Variants in RYR2 observed in about 807,000 individuals in gnomAD.
RYR2 encodes the protein ryanodine receptor 2, also known as cardiac muscle ryanodine receptor-calcium release channel.
RYR2 carries 227 observed loss-of-function variants against 601.1 expected under a neutral mutation model. The ratio of observed to expected loss-of-function variants is 0.38; its 90% CI spans 0.34 to 0.42. The LOEUF (loss-of-function observed/expected upper bound fraction) is 0.42. Ranked by LOEUF, RYR2 falls within the 10% of genes least tolerant of loss-of-function variation. The pLI is 1.00. For synonymous variants in RYR2, 2,223 were observed against 2,175.1 expected, an observed-to-expected ratio of 1.02 and a Z score of -0.61; for missense variants, 4,646 against 6,156.5, an observed-to-expected ratio of 0.75 and a Z score of 8.21.
intron 29 of RYR2, among the ~76,000 whole-genome samples, chr1:237,588,431 T>G (rs949638061): frequency 6.6e-6 from 1 of 152,170 alleles, no homozygotes; most frequent in Non-Finnish European, 1.5e-5. Context: ...ATTCTTAGGA[T>G]CCATTGGTTT....
chr1:237,718,995 G>A (rs2149107178), intron 73 of RYR2, among the ~76,000 whole-genome samples: 1 of 152,292 alleles, frequency 6.6e-6, no homozygotes, highest in Non-Finnish European at 1.5e-5. Flanking sequence ...TAGGCACAGT[G>A]GCTCACACCT....
chr1:237,734,274 G>T (rs1315856654), intron 79 of RYR2, among the ~76,000 whole-genome samples: 2 of 152,120 alleles, frequency 1.3e-5, no homozygotes, highest in Non-Finnish European at 2.9e-5. Flanking sequence ...GGGAAGTAAG[G>T]TACATCTTAC....
rs148590481 is a variant in RYR2 at position 237,709,171 on chromosome 1, A to G, written c.10142+73A>G. The G allele has an allele frequency of 8.4e-4, 1,110 of 1,325,776 alleles. 5 individuals carry two copies. The African/African-American group carries it at 0.013, about 15-fold the overall frequency. 82.1% of individuals were successfully genotyped at this position (1,325,776 alleles called of 1,614,324 possible). On this transcript the variant is annotated intron_variant, in intron 69 of 104. Coordinates refer to ENST00000366574, the MANE Select transcript of RYR2 (RefSeq NM_001035.3). ...TTCTTGGCTCACATGTCCTTGTTCA[A>G]TCGCTTCATTCACTATTTTGCCATG... is the stretch of plus-strand genomic sequence containing the variant.
intron 20 of RYR2, among the ~76,000 whole-genome samples, chr1:237,498,685 G>C (rs901040758): frequency 6.6e-6 from 1 of 151,272 alleles, no homozygotes; most frequent in African/African-American, 2.4e-5. Flanking sequence ...TTTTTCTTTC[G>C]ATACATTAAA....
intron 100 of RYR2, among the ~76,000 whole-genome samples, chr1:237,812,474 C>T (rs1448246677): frequency 1.3e-5 from 2 of 152,170 alleles, no homozygotes; most frequent in African/African-American, 4.8e-5. Flanking sequence ...CTATCGCATA[C>T]AGAACATTTA....
intron 1 of RYR2, among the ~76,000 whole-genome samples, chr1:237,249,334 G>C (rs1687226128): frequency 6.6e-6 from 1 of 152,134 alleles, no homozygotes. Flanking sequence ...AGGTCCTCGT[G>C]GGTGATCAGA....
At chr1:237,668,361 C>T (rs946077894) in intron 58 of RYR2, among the ~76,000 whole-genome samples, 2 of 152,180 alleles carry the variant, frequency 1.3e-5, no homozygotes, top group African/African-American at 4.8e-5. Flanking sequence ...CTTTTGCTTG[C>T]ACTTTTCCCG....
chr1:237,656,302 G>T (rs489001), intron 53 of RYR2, among the ~76,000 whole-genome samples: 44,888 of 151,672 alleles, frequency 0.3, 7,616 homozygotes, highest in East Asian at 0.54. Context: ...TATTAATAAC[G>T]ACAATCAACC....
chr1:237,197,106 C>G (rs895041666), intron 1 of RYR2, among the ~76,000 whole-genome samples: 1 of 152,050 alleles, frequency 6.6e-6, no homozygotes, highest in Non-Finnish European at 1.5e-5. Flanking sequence ...TAAAAATATA[C>G]TGGTCTTATA....
intron 6 of RYR2, among the ~76,000 whole-genome samples, chr1:237,371,636 G>A (rs1377047489): frequency 6.6e-6 from 1 of 152,128 alleles, no homozygotes; most frequent in Non-Finnish European, 1.5e-5. Flanking sequence ...TTGTTCTAAA[G>A]CAGAAGACTA....
At chr1:237,504,003 T>C (rs116176839) in intron 22 of RYR2, among the ~76,000 whole-genome samples, 1,526 of 152,342 alleles carry the variant, frequency 0.01, 27 homozygotes, top group African/African-American at 0.033. Flanking sequence ...CCACTGTGCC[T>C]GGCCTCTATT....
chr1:237,778,740 G>A lies in RYR2; in HGVS notation c.11850G>A (p.Val3950=), dbSNP rs1269980444. 3.7e-6 allele frequency: 6 copies of A among 1,610,438 alleles called. No homozygotes were observed. Among genetic ancestry groups the A allele is most frequent in the African/African-American group, 1.3e-5 (1 of 74,848 alleles). ...ATGCTGTGGTCGGCTTTCTTCATGT[G>A]TTTGCCCATATGCAGATGAAGCTGT... ...LWDAVVGFLH[V]FAHMQMKLSQ... Residue 3950 remains valine, a synonymous_variant, in exon 88 of 105, where the codon GTG becomes GTA. Transcript: ENST00000366574.
intron 2 of RYR2, among the ~76,000 whole-genome samples, chr1:237,281,437 T>C (rs1006895790): frequency 1.3e-5 from 2 of 152,124 alleles, no homozygotes; most frequent in Admixed American, 1.3e-4. Flanking sequence ...AACACTGATG[T>C]CTAAGAGATC....
At chr1:237,796,051 T>C (rs1030413267) in intron 96 of RYR2, among the ~76,000 whole-genome samples, 2 of 151,488 alleles carry the variant, frequency 1.3e-5, no homozygotes, top group African/African-American at 4.8e-5. Context: ...TTTTTTTACT[T>C]TGTTAGAAGC....
chr1:237,748,131 A>G (rs1456715343), intron 80 of RYR2, among the ~76,000 whole-genome samples: 2 of 152,182 alleles, frequency 1.3e-5, no homozygotes, highest in African/African-American at 4.8e-5. Flanking sequence ...TTAAAATCCC[A>G]GGGAATGAAG....
chr1:237,630,441 C>T (rs1680128961), intron 41 of RYR2, among the ~76,000 whole-genome samples: 1 of 152,044 alleles, frequency 6.6e-6, no homozygotes, highest in Non-Finnish European at 1.5e-5. Flanking sequence ...TCTAAAAGCC[C>T]TGTTCATTAA....
intron 23 of RYR2, among the ~76,000 whole-genome samples, chr1:237,508,536 C>A (rs1243287340): frequency 2.6e-5 from 4 of 151,204 alleles, no homozygotes; most frequent in African/African-American, 9.7e-5. Context: ...CAACGGGCTT[C>A]TAAGATGATC....
chr1:237,117,157 A>C (rs981924495), intron 1 of RYR2, among the ~76,000 whole-genome samples: 1 of 152,270 alleles, frequency 6.6e-6, no homozygotes, highest in Non-Finnish European at 1.5e-5. Flanking sequence ...AAAAAAGATG[A>C]TGGAGAAGGA....
At chr1:237,758,963 A>G (rs899896171) in intron 82 of RYR2, among the ~76,000 whole-genome samples, 1 of 152,190 alleles carries the variant, frequency 6.6e-6, no homozygotes, top group Admixed American at 6.5e-5. Flanking sequence ...ACAAAGGAGA[A>G]CATTTTAATA....
Sources: allele counts gnomAD v4.1 joint callset (sites outside exome capture counted in the v4.1 genomes callset), GRCh38; gene constraint gnomAD v4.1.1; transcripts MANE v1.5; gene names NCBI Gene and HGNC (gene_info 2026-07-23, HGNC 2026-07-21).